Variants in COL6A1 observed in about 807,000 individuals in gnomAD.
COL6A1 encodes collagen alpha-1(VI) chain.
A neutral mutation model predicts 145.6 loss-of-function variants in COL6A1; 80 were observed. That is an observed-to-expected ratio of 0.55 (90% CI 0.46 to 0.66). COL6A1 has a LOEUF of 0.66. Among genes scored for constraint, COL6A1 ranks in the 30% least tolerant of loss-of-function variants. COL6A1 has a pLI of 0.00. For missense variants in COL6A1, 1,364 were observed against 1,473.8 expected, an observed-to-expected ratio of 0.93 and a Z score of 1.22; for synonymous variants, 638 against 622.8, an observed-to-expected ratio of 1.02 and a Z score of -0.36.
chr21:46,002,644 AAGG>A lies in COL6A1; in HGVS notation c.2371_2373del (p.Glu791del). The A allele has an allele frequency of 1.2e-6, 2 of 1,613,960 alleles. No individual in the cohort carries two copies. The highest frequency in any genetic ancestry group is 1.7e-6 in the Non-Finnish European group (2 of 1,179,992). ...GGGCCGGCCCGGCCTCTCGCTGGTC[AAGG>A]AGAACTATGCAGAGCTGCTGGAGGA... On this transcript the variant is annotated inframe_deletion, in exon 33 of 35. Transcript: ENST00000361866.
intron 21 of COL6A1, 70 bp downstream of exon 21, chr21:45,997,553 C>T (rs781074018): frequency 6.4e-7 from 1 of 1,565,870 alleles, no homozygotes; most frequent in Non-Finnish European, 8.8e-7. Flanking sequence ...ACTGTCTGCC[C>T]AGTGCTGGCC....
At chr21:45,982,275 C>T (rs1253676460) in intron 1 of COL6A1, among the ~76,000 whole-genome samples, 1 of 132,814 alleles carries the variant, frequency 7.5e-6, no homozygotes, top group African/African-American at 2.7e-5. Flanking sequence ...TGAGTCCAGA[C>T]GCACGGCCCC....
chr21:45,983,855 G>A (rs1287766065), intron 2 of COL6A1, among the ~76,000 whole-genome samples: 1 of 144,092 alleles, frequency 6.9e-6, no homozygotes, highest in East Asian at 2.3e-4. Context: ...GGATGGGAGG[G>A]TGGGTGGGGC....
Position 46,004,114 on chromosome 21 carries a change from C to A in COL6A1, c.*101C>A. 6 of 1,494,854 alleles carry A rather than the reference C, an allele frequency of 4.0e-6. No homozygotes were observed. The highest frequency in any genetic ancestry group is 1.2e-5 in the South Asian group (1 of 85,960). The allele number at this position is 1,494,854 out of a possible 1,614,324, so 92.6% of individuals were successfully genotyped here. A position where few individuals can be genotyped will look rare whatever the true frequency, so the allele number is the denominator to read the frequency against. ...GCGAATTTTCCCGACCAACCTGATTCGCTAGATTTTTTTTAAGGAAAAGCT... is the reference window on the plus strand; with the variant it reads ...GCGAATTTTCCCGACCAACCTGATTAGCTAGATTTTTTTTAAGGAAAAGCT... On this transcript the variant is annotated 3_prime_UTR_variant, in exon 35 of 35. Coordinates refer to ENST00000361866, the MANE Select transcript of COL6A1 (RefSeq NM_001848.3).
chr21:45,989,182 G>T, intron 9 of COL6A1, 45 bp downstream of exon 9: 1 of 1,565,124 alleles, frequency 6.4e-7, no homozygotes, highest in Non-Finnish European at 8.6e-7. Flanking sequence ...AGCTGGAGGC[G>T]GGGAACGACT....
rs866582585 is a variant in COL6A1 at position 45,994,365 on chromosome 21, C to A, written c.1398+136C>A. The A allele has an allele frequency of 2.2e-6, 2 of 913,606 alleles. No individual in the cohort carries two copies. The highest frequency in any genetic ancestry group is 4.5e-4 in the Middle Eastern group (2 of 4,430). 56.6% of individuals were successfully genotyped at this position (913,606 alleles called of 1,614,324 possible). ...GTGTTTCCGTAGATCTCGGGGGTGTCCCTGCGTGGGAGCCGGCTGCAGGGG... is the reference window on the plus strand; with the variant it reads ...GTGTTTCCGTAGATCTCGGGGGTGTACCTGCGTGGGAGCCGGCTGCAGGGG... On this transcript the variant is annotated intron_variant, in intron 20 of 34. Transcript: ENST00000361866. The surrounding 1 kb of genome is among the most constrained non-coding windows in gnomAD (Gnocchi z 6.8).
Position 45,982,752 on chromosome 21 carries a change from C to T in COL6A1, c.216C>T (p.Asn72=), listed in dbSNP as rs750666838. 1 of 1,612,574 alleles carries T rather than the reference C, an allele frequency of 6.2e-7. No individual in the cohort carries two copies. Among genetic ancestry groups the T allele is most frequent in the Non-Finnish European group, 8.5e-7 (1 of 1,179,950 alleles). Residue 72 remains asparagine, a synonymous_variant, in exon 2 of 35, where the codon AAC becomes AAT. Transcript: ENST00000361866. The stretch of plus-strand genomic sequence containing the variant: ...CCTTCACCAAGCGCTTCATCGACAA[C>T]CTGAGGGACAGGTAGGAGGGACGCC... ...VKSFTKRFID[N]LRDRYYRCDR...
In COL6A1 at chr21:45,998,399, G is replaced by A. The variant is rs121912934; in HGVS notation, c.1577G>A (p.Gly526Glu). The change falls in exon 24 of 35, where the codon GGG (glycine) becomes GAG (glutamate). Residue 526 changes from glycine (G) to glutamate (E), a missense_variant and splice_region_variant. Physicochemically the swap from Gly to Glu is moderately conservative, Grantham distance 98 (BLOSUM62 -2). Transcript: ENST00000361866. ...NGTEGFPGFPGYPGNRGAPGI... is the reference protein window; with the variant it reads ...NGTEGFPGFPEYPGNRGAPGI... ...CACTGCCCTGCTTTTCCATGACAGG[G>A]GTATCCGGGCAACAGGGGCGCTCCC... 1 of 1,613,214 alleles carries A rather than the reference G, an allele frequency of 6.2e-7. No individual in the cohort carries two copies. The highest frequency in any genetic ancestry group is 1.1e-5 in the South Asian group (1 of 91,072).
intron 27 of COL6A1, 37 bp from the exon 28 acceptor site, chr21:46,000,294 G>C (rs2077835834): frequency 6.2e-7 from 1 of 1,613,316 alleles, no homozygotes; most frequent in South Asian, 1.1e-5. Flanking sequence ...GGGAGGGGCT[G>C]TCTATGGCCC....
At chr21:45,986,334 G>A (rs980322190) in intron 3 of COL6A1, among the ~76,000 whole-genome samples, 192 bp from the exon 4 acceptor site, 6 of 152,182 alleles carry the variant, frequency 3.9e-5, no homozygotes, top group African/African-American at 1.2e-4. Flanking sequence ...AAGCAGTTTA[G>A]AGAAATGAGA....
At chr21:45,987,434 C>A (rs2077745913) in intron 6 of COL6A1, 65 bp from the exon 7 acceptor site, 1 of 1,606,640 alleles carries the variant, frequency 6.2e-7, no homozygotes, top group East Asian at 2.2e-5. Flanking sequence ...TCGCATGTCA[C>A]CCTGTGTCCC....
rs1449334151 is a variant in COL6A1 at position 46,000,326 on chromosome 21, C to T, written c.1777-5C>T. On this transcript the variant is annotated splice_polypyrimidine_tract_variant and splice_region_variant and intron_variant, in intron 27 of 34. Coordinates refer to ENST00000361866, the MANE Select transcript of COL6A1 (RefSeq NM_001848.3). ...GCCCCAGTACCCTCGTCTCTCCCTC[C>T]CCAGGAATGCGAGATTTTGGACATC... is the stretch of plus-strand genomic sequence containing the variant. The T allele has an allele frequency of 7.4e-6, 12 of 1,613,820 alleles. No individual in the cohort carries two copies. The highest frequency in any genetic ancestry group is 9.3e-6 in the Non-Finnish European group (11 of 1,179,896).
At chr21:45,983,248 G>A (rs1265730217) in intron 2 of COL6A1, among the ~76,000 whole-genome samples, 1 of 152,194 alleles carries the variant, frequency 6.6e-6, no homozygotes, top group African/African-American at 2.4e-5. Flanking sequence ...GCCAGGAGGG[G>A]TGTCGCTCTG....
intron 24 of COL6A1, 145 bp from the exon 25 acceptor site, chr21:45,998,752 A>G (rs539891428): frequency 9.0e-7 from 1 of 1,105,960 alleles, no homozygotes; most frequent in East Asian, 2.6e-5. Flanking sequence ...TCCGGGACCC[A>G]GTTTCTCCAG....
At chr21:45,984,562 C>A in intron 3 of COL6A1, 93 bp downstream of exon 3, 1 of 1,215,468 alleles carries the variant, frequency 8.2e-7, no homozygotes, top group Non-Finnish European at 1.2e-6. Context: ...GCGGCTTCAG[C>A]TGCAGCCTCC....
rs573282005 is a variant in COL6A1 at position 45,986,979 on chromosome 21, G to T, written c.624G>T (p.Thr208=). The change falls in exon 5 of 35, where the codon ACG becomes ACT. Residue 208 remains threonine, a synonymous_variant. Transcript: ENST00000361866. ...PRLSIIATDH[T]YRRNFTAADW... The stretch of plus-strand genomic sequence containing the variant: ...TGAGCATCATCGCCACGGACCACAC[G>T]TACCGGCGCAACTTCACGGCGGCTG... 2 of 1,552,468 alleles carry T rather than the reference G, an allele frequency of 1.3e-6. No homozygotes were observed. Among genetic ancestry groups the T allele is most frequent in the Non-Finnish European group, 1.7e-6 (2 of 1,149,496 alleles).
chr21:45,990,001 GGTCCCCCGGGCGGTT>G (rs2077764794), intron 11 of COL6A1, among the ~76,000 whole-genome samples: 1 of 11,784 alleles, frequency 8.5e-5, no homozygotes, highest in Admixed American at 8.7e-4. Context: ...CCAGAGCAGG[GGTCCCCCGGGCGGTT>G]ACCCTCTGCG....
At position 45,998,433 on chromosome 21, in the gene COL6A1, C is replaced by A. The variant is rs200023632; in HGVS notation, c.1611C>A (p.Asn537Lys). Residue 537 changes from asparagine (N) to lysine (K), a missense_variant and splice_region_variant, in exon 24 of 35, where the codon AAC becomes AAA. Around this residue, in one of 3 missense-constraint regions of COL6A1, gnomAD observed 938 missense variants for 1,003.8 expected, o/e 0.93. Coordinates refer to ENST00000361866, the MANE Select transcript of COL6A1 (RefSeq NM_001848.3). ...GCAACAGGGGCGCTCCCGGGATAAA[C>A]GTGAGTACGCCCCCTCCTCCATCTG... ...YPGNRGAPGI[N>K]GTKGYPGLKG... 1.2e-6 allele frequency: 2 copies of A among 1,613,158 alleles called. No homozygotes were observed. Among genetic ancestry groups the A allele is most frequent in the Admixed American group, 1.7e-5 (1 of 60,002 alleles).
Position 45,992,410 on chromosome 21 carries a change from A to G in COL6A1, c.1272+12A>G. ...CCCCCGGGGAGCGGGTGAGTGGGGC[A>G]GGGGCAGCCTGCGCTGTTGGCCTCA... is the stretch of plus-strand genomic sequence containing the variant. On this transcript the variant is annotated intron_variant, in intron 18 of 34. Coordinates refer to ENST00000361866, the MANE Select transcript of COL6A1 (RefSeq NM_001848.3). The G allele has an allele frequency of 6.2e-7, 1 of 1,612,130 alleles. No homozygotes were observed. Among genetic ancestry groups the G allele is most frequent in the South Asian group, 1.1e-5 (1 of 90,806 alleles).
Sources: gnomAD v4.1 joint callset for allele counts (sites outside exome capture counted in the v4.1 genomes callset) on GRCh38, gnomAD v4.1.1 for gene constraint, gnomAD v4.1.1 regional missense constraint, Gnocchi (gnomAD v3.1) non-coding constraint, MANE v1.5 for transcripts, NCBI Gene and HGNC (gene_info 2026-07-23, HGNC 2026-07-21) for gene names.